Variants in C12orf42 observed in about 807,000 individuals in gnomAD.
C12orf42 encodes uncharacterized protein C12orf42.
A neutral mutation model predicts 21.6 loss-of-function variants in C12orf42; 25 were observed. The observed-to-expected ratio is 1.16, with a 90% CI of 0.84 to 1.62. The LOEUF (loss-of-function observed/expected upper bound fraction) is 1.62, where lower values mean the gene tolerates loss of function less well. C12orf42 is among the 40% of genes most tolerant of loss of function. The probability of loss-of-function intolerance (pLI) is 0.00; values close to 1 mark genes in which losing one functional copy is unlikely to be tolerated. For missense variants in C12orf42, 483 were observed against 459.3 expected (o/e 1.05, Z -0.47); for synonymous variants, 174 against 175.0 (o/e 0.99, Z 0.05).
chr12:103,535,197 TG>T, the C12orf42 span, among the ~76,000 whole-genome samples: 1 of 152,170 alleles, frequency 6.6e-6, no homozygotes, highest in Non-Finnish European at 1.5e-5. Context: ...CCTGAAAGTT[TG>T]GTACAGTTCA....
chr12:103,503,547 T>G, the C12orf42 span: 1 of 152,330 alleles, frequency 6.6e-6, no homozygotes, highest in Non-Finnish European at 1.5e-5. Context: ...CCCAACTGTC[T>G]GCCTGCCCCG....
chr12:103,214,145 G>C, the C12orf42 span, among the ~76,000 whole-genome samples: 3 of 152,142 alleles, frequency 2.0e-5, no homozygotes, highest in Non-Finnish European at 4.4e-5. Context: ...TTCCCATCAA[G>C]TTTGAACAAG....
At chr12:103,537,987 C>T in the C12orf42 span, among the ~76,000 whole-genome samples, 2 of 152,132 alleles carry the variant, frequency 1.3e-5, no homozygotes, top group Non-Finnish European at 2.9e-5. Flanking sequence ...TTTCCAGACA[C>T]TAAAGGAAGA....
chr12:103,401,803 G>T, intron 2 of C12orf42, 128 bp from the exon 3 acceptor site: 1 of 838,324 alleles, frequency 1.2e-6, no homozygotes. Flanking sequence ...TTCATTCACT[G>T]AGTACCCGAT....
the C12orf42 span, among the ~76,000 whole-genome samples, chr12:103,047,805 C>A: frequency 6.6e-6 from 1 of 152,108 alleles, no homozygotes; most frequent in Non-Finnish European, 1.5e-5. Flanking sequence ...CATCTTCATT[C>A]CCATGGTCTG....
chr12:103,056,772 T>C, the C12orf42 span, among the ~76,000 whole-genome samples: 1 of 152,142 alleles, frequency 6.6e-6, no homozygotes, highest in Admixed American at 6.6e-5. Flanking sequence ...GTTTATTTAT[T>C]ATATTGTGTA....
chr12:103,548,009 T>C, the C12orf42 span: 6 of 152,264 alleles, frequency 3.9e-5, no homozygotes, highest in East Asian at 9.6e-4. Context: ...TGCAAGAAAA[T>C]CTTGTTCAAA....
the C12orf42 span, among the ~76,000 whole-genome samples, chr12:103,525,392 C>T: frequency 6.6e-6 from 1 of 152,056 alleles, no homozygotes; most frequent in Non-Finnish European, 1.5e-5. Flanking sequence ...TAATTTAGCT[C>T]CTTTAGGAAT....
chr12:103,086,855 G>T, the C12orf42 span, among the ~76,000 whole-genome samples: 1 of 152,056 alleles, frequency 6.6e-6, no homozygotes, highest in East Asian at 1.9e-4. Flanking sequence ...AGAATTGGAA[G>T]CAGGGAAGGC....
chr12:103,302,444 T>C lies in C12orf42; in HGVS notation c.747A>G (p.Ala249=). The change falls in exon 6 of 6, where the codon GCA becomes GCG. Residue 249 remains alanine, a synonymous_variant. Transcript: ENST00000548883. ...NTELEPEERM[A]VPAGAQAHPD... is the part of the protein sequence containing the mutation. ...GGTGTGCCTGAGCGCCTGCTGGGACTGCCATCCTCTCCTCCGGCTCGAGCT... is the reference window on the plus strand; with the variant it reads ...GGTGTGCCTGAGCGCCTGCTGGGACCGCCATCCTCTCCTCCGGCTCGAGCT... The C allele has an allele frequency of 6.2e-7, 1 of 1,613,884 alleles. No individual in the cohort carries two copies. Among genetic ancestry groups the C allele is most frequent in the East Asian group, 2.2e-5 (1 of 44,852 alleles).
At chr12:103,259,712 G>A (rs2034797018) in intron 10 of C12orf42, among the ~76,000 whole-genome samples, 2 of 152,128 alleles carry the variant, frequency 1.3e-5, no homozygotes, top group African/African-American at 4.8e-5. Flanking sequence ...TTTTGTCAGT[G>A]GTTCATTGTG....
chr12:103,507,177 A>AT, the C12orf42 span, among the ~76,000 whole-genome samples: 39 of 23,542 alleles, frequency 1.7e-3, 3 homozygotes, highest in African/African-American at 0.018. Flanking sequence ...ATATATTTAT[A>AT]TTATATATAA....
chr12:103,376,575 T>TA (rs1311466885), intron 3 of C12orf42, among the ~76,000 whole-genome samples: 1 of 152,034 alleles, frequency 6.6e-6, no homozygotes, highest in African/African-American at 2.4e-5. Context: ...AAATAATAAT[T>TA]AAAAAAAGAA....
intron 3 of C12orf42, among the ~76,000 whole-genome samples, chr12:103,377,537 C>T (rs560067938): frequency 1.6e-4 from 24 of 152,166 alleles, no homozygotes; most frequent in Admixed American, 5.9e-4. Flanking sequence ...GGAAAGGGCC[C>T]GAGTGTCCCA....
chr12:103,545,224 G>GC, the C12orf42 span, among the ~76,000 whole-genome samples: 25 of 152,234 alleles, frequency 1.6e-4, no homozygotes, highest in Non-Finnish European at 2.9e-4. Context: ...TAGAAAACAG[G>GC]TTTGTTTTAA....
intron 4 of C12orf42, among the ~76,000 whole-genome samples, chr12:103,341,526 GA>G (rs553495363): frequency 6.6e-6 from 1 of 152,096 alleles, no homozygotes; most frequent in South Asian, 2.1e-4. Flanking sequence ...TGATGAAATG[GA>G]ATCATAAAAT....
the C12orf42 span, among the ~76,000 whole-genome samples, chr12:103,137,981 A>G: frequency 6.6e-6 from 1 of 152,296 alleles, no homozygotes; most frequent in East Asian, 1.9e-4. Flanking sequence ...TATAGTTAAC[A>G]ACAATGTATT....
At chr12:103,120,997 A>G in the C12orf42 span, among the ~76,000 whole-genome samples, 3 of 152,114 alleles carry the variant, frequency 2.0e-5, no homozygotes, top group Admixed American at 2.0e-4. Context: ...GCTGTGGTCA[A>G]AATCCTAAAT....
intron 2 of C12orf42, among the ~76,000 whole-genome samples, chr12:103,476,084 A>C (rs911786681): frequency 1.3e-5 from 2 of 152,224 alleles, no homozygotes; most frequent in African/African-American, 4.8e-5. Flanking sequence ...GTGTTTTCAG[A>C]AAGCAGGAAG....
Sources: gnomAD v4.1 joint callset for allele counts (sites outside exome capture counted in the v4.1 genomes callset) on GRCh38, gnomAD v4.1.1 for gene constraint, MANE v1.5 for transcripts, NCBI Gene and HGNC (gene_info 2026-07-23, HGNC 2026-07-21) for gene names.